The following COL25A1 variants were observed in gnomAD, a reference collection of about 807,000 sequenced individuals.
COL25A1 encodes the protein collagen type XXV alpha 1 chain.
COL25A1 carries 103 observed loss-of-function variants against 128.4 expected under a neutral mutation model. That is an observed-to-expected ratio of 0.80 (90% CI 0.68 to 0.94). The LOEUF (loss-of-function observed/expected upper bound fraction) is 0.94, where lower values mean the gene tolerates loss of function less well. Ranked by LOEUF, COL25A1 falls within the 40% of genes least tolerant of loss-of-function variation. The probability of loss-of-function intolerance (pLI) is 0.00; values close to 1 mark genes in which losing one functional copy is unlikely to be tolerated. For synonymous variants in COL25A1, 279 were observed against 277.2 expected (o/e 1.01, Z -0.06); for missense variants, 745 against 840.0 (o/e 0.89, Z 1.40).
intron 3 of COL25A1, among the ~76,000 whole-genome samples, chr4:109,172,323 GATAAGATATAATCGAGGAAGA>G (rs1472359665): frequency 6.6e-6 from 1 of 152,108 alleles, no homozygotes; most frequent in African/African-American, 2.4e-5. Flanking sequence ...CAAAAAATGC[GATAAGATATAATCGAGGAAGA>G]ATAAGGTATT....
At chr4:109,217,565 T>C (rs983097836) in intron 3 of COL25A1, among the ~76,000 whole-genome samples, 3 of 137,490 alleles carry the variant, frequency 2.2e-5, no homozygotes, top group African/African-American at 9.7e-5. Flanking sequence ...GTGTCTCTAG[T>C]ATTTCACCTT....
rs117764505 is a variant in COL25A1, at chr4:109,084,342, C to T, written c.368-34163G>A. Among the ~76,000 whole-genome samples the T allele has an allele frequency of 1.0e-3, 154 of 151,730 alleles. No individual in the cohort carries two copies. The East Asian group carries it at 0.011, about 11-fold the overall frequency. ...AGGTATGCCTTGCCTTAATTAAGGC[C>T]GCAGTATTAATACTATTCTCACAGT... is the stretch of plus-strand genomic sequence containing the variant. On this transcript the variant is annotated intron_variant, in intron 3 of 37. Coordinates refer to ENST00000399132, the MANE Select transcript of COL25A1 (RefSeq NM_198721.4).
chr4:109,283,138 T>C (rs1723541469), intron 3 of COL25A1, among the ~76,000 whole-genome samples: 1 of 152,230 alleles, frequency 6.6e-6, no homozygotes, highest in Non-Finnish European at 1.5e-5. Context: ...GAAATTTATA[T>C]AAAATATAAG....
At chr4:108,894,089 TGA>T (rs1238095707) in intron 16 of COL25A1, among the ~76,000 whole-genome samples, 9 of 152,192 alleles carry the variant, frequency 5.9e-5, no homozygotes, top group Non-Finnish European at 8.8e-5. Context: ...TAATATTTAT[TGA>T]GAGTTTATTA....
At chr4:108,900,566 A>T (rs1382913157) in intron 14 of COL25A1, among the ~76,000 whole-genome samples, 1 of 152,212 alleles carries the variant, frequency 6.6e-6, no homozygotes, top group Non-Finnish European at 1.5e-5. Flanking sequence ...AATTTTTTTA[A>T]GAAACAAAGA....
chr4:108,874,551 A>G (rs1487820800), intron 19 of COL25A1, among the ~76,000 whole-genome samples: 2 of 152,320 alleles, frequency 1.3e-5, no homozygotes, highest in East Asian at 1.9e-4. Flanking sequence ...TTTAGAAATA[A>G]CATGGGAACA....
At chr4:108,954,559 A>G (rs1460273546) in intron 8 of COL25A1, among the ~76,000 whole-genome samples, 1 of 152,054 alleles carries the variant, frequency 6.6e-6, no homozygotes, top group African/African-American at 2.4e-5. Context: ...TGTCAAGAGT[A>G]AAGATTAGAT....
chr4:108,957,139 GC>G (rs1256058375), intron 8 of COL25A1, among the ~76,000 whole-genome samples: 18 of 152,060 alleles, frequency 1.2e-4, no homozygotes, highest in Admixed American at 1.2e-3. Flanking sequence ...ATTTATCCAG[GC>G]CCACCTGGAT....
chr4:108,931,254 C>A (rs970314681), intron 11 of COL25A1, among the ~76,000 whole-genome samples: 1 of 152,052 alleles, frequency 6.6e-6, no homozygotes, highest in Non-Finnish European at 1.5e-5. Context: ...AGTAGGATGA[C>A]GGGACTTTAG....
intron 6 of COL25A1, among the ~76,000 whole-genome samples, chr4:108,989,143 G>T (rs1196013034): frequency 1.3e-5 from 2 of 152,182 alleles, no homozygotes; most frequent in African/African-American, 4.8e-5. Flanking sequence ...GGTCCTGCTG[G>T]CCCAAATTGG....
chr4:108,878,052 A>G (rs959858), intron 19 of COL25A1, among the ~76,000 whole-genome samples: 78,830 of 151,900 alleles, frequency 0.52, 22,236 homozygotes, highest in East Asian at 0.93. Flanking sequence ...TCATTCATAC[A>G]GAAATGACTC....
intron 8 of COL25A1, among the ~76,000 whole-genome samples, chr4:108,956,538 T>C (rs973570507): frequency 3.9e-5 from 6 of 152,196 alleles, no homozygotes; most frequent in African/African-American, 1.4e-4. Context: ...CCCGAGTAGC[T>C]GGGATTACAG....
chr4:108,873,932 C>A lies in COL25A1; in HGVS notation c.1021-4782G>T, dbSNP rs566960420. On this transcript the variant is annotated intron_variant, in intron 19 of 37. Coordinates refer to ENST00000399132, the MANE Select transcript of COL25A1 (RefSeq NM_198721.4). Reference sequence around the variant, plus strand: ...AATGAATGTAATCTTAAAAAAAAAACCCATCTTTTTGAAAAGAATTGATGT... The same window carrying A: ...AATGAATGTAATCTTAAAAAAAAAAACCATCTTTTTGAAAAGAATTGATGT... Among the ~76,000 whole-genome samples, 387 of 151,624 alleles carry A rather than the reference C, an allele frequency of 2.6e-3. 3 individuals carry two copies. Among genetic ancestry groups the A allele is most frequent in the African/African-American group, 8.3e-3 (342 of 41,328 alleles).
rs79881381 is a variant in COL25A1 at position 108,867,382 on chromosome 4, C to T, written c.1083+1706G>A. Among the ~76,000 whole-genome samples the T allele has an allele frequency of 1.4e-3, 216 of 152,338 alleles. 2 individuals carry two copies. The highest frequency in any genetic ancestry group is 0.014 in the East Asian group (72 of 5,180). On this transcript the variant is annotated intron_variant, in intron 20 of 37. Coordinates refer to ENST00000399132, the MANE Select transcript of COL25A1 (RefSeq NM_198721.4). Reference sequence around the variant, plus strand: ...CGTTCTTGTATTAACAGGGAATGCTCATTATTTTCTTGCTCTCACTCTCTC... The same window carrying T: ...CGTTCTTGTATTAACAGGGAATGCTTATTATTTTCTTGCTCTCACTCTCTC...
intron 15 of COL25A1, among the ~76,000 whole-genome samples, chr4:108,898,390 A>T (rs1012768208): frequency 2.0e-5 from 3 of 152,236 alleles, no homozygotes; most frequent in African/African-American, 7.2e-5. Context: ...GAAAGACCAT[A>T]TCACTTACAA....
At chr4:108,832,698 C>G (rs1733284595) in intron 31 of COL25A1, 2 of 306,518 alleles carry the variant, frequency 6.5e-6, no homozygotes, top group Non-Finnish European at 5.9e-6. Context: ...TTTCCTCTGA[C>G]TAAATAAAGC....
At chr4:109,143,604 T>G (rs1770647457) in intron 3 of COL25A1, among the ~76,000 whole-genome samples, 1 of 152,210 alleles carries the variant, frequency 6.6e-6, no homozygotes, top group Non-Finnish European at 1.5e-5. Context: ...TCTTCGTTCC[T>G]TTCCATTCTT....
chr4:108,840,164 C>T (rs373088217), intron 31 of COL25A1, among the ~76,000 whole-genome samples: 426 of 151,278 alleles, frequency 2.8e-3, no homozygotes, highest in Middle Eastern at 0.01. Context: ...ATCACTTGAA[C>T]CCAGGAGGCG....
At position 109,039,919 on chromosome 4, in the gene COL25A1, T is replaced by A. The variant is rs534437511; in HGVS notation, c.420+8249A>T. Reference sequence around the variant, plus strand: ...ACCTTCCTTCAAAATTAAGCAGAAGTAAGAACTAGAGATATGTGTGCGTAT... The same window carrying A: ...ACCTTCCTTCAAAATTAAGCAGAAGAAAGAACTAGAGATATGTGTGCGTAT... On this transcript the variant is annotated intron_variant, in intron 5 of 37. Coordinates refer to ENST00000399132, the MANE Select transcript of COL25A1 (RefSeq NM_198721.4). 4.1e-4 allele frequency among the ~76,000 whole-genome samples: 63 copies of A among 152,250 alleles called. No homozygotes were observed. In the Middle Eastern group the frequency reaches 0.027, roughly 66 times the overall value.
Sources: allele counts gnomAD v4.1 joint callset (sites outside exome capture counted in the v4.1 genomes callset), GRCh38; gene constraint gnomAD v4.1.1; transcripts MANE v1.5; gene names NCBI Gene and HGNC (gene_info 2026-07-23, HGNC 2026-07-21).